The following NPAS3 variants were observed in gnomAD, a reference collection of about 807,000 sequenced individuals.
The protein encoded by NPAS3 is neuronal PAS domain protein 3.
A neutral mutation model predicts 73.1 loss-of-function variants in NPAS3; 14 were observed. The observed-to-expected ratio is 0.19, with a 90% CI of 0.13 to 0.30. The LOEUF is 0.30. Ranked by LOEUF, NPAS3 falls within the 10% of genes least tolerant of loss-of-function variation. The pLI is 1.00. For synonymous variants in NPAS3, 620 were observed against 541.5 expected, an observed-to-expected ratio of 1.14 and a Z score of -2.01; for missense variants, 1,096 against 1,250.0, an observed-to-expected ratio of 0.88 and a Z score of 1.86.
chr14:33,163,948 T>C (rs1202318440), intron 2 of NPAS3, among the ~76,000 whole-genome samples: 1 of 152,224 alleles, frequency 6.6e-6, no homozygotes, highest in Non-Finnish European at 1.5e-5. Context: ...ACTTTAAATT[T>C]CTCTGATTGA....
chr14:33,221,589 T>G (rs1424365421), intron 3 of NPAS3, among the ~76,000 whole-genome samples: 1 of 152,118 alleles, frequency 6.6e-6, no homozygotes, highest in Non-Finnish European at 1.5e-5. Context: ...ATTGCACCAC[T>G]GCCTAGAGGG....
At chr14:33,012,146 A>C (rs2039226482) in intron 1 of NPAS3, among the ~76,000 whole-genome samples, 1 of 152,100 alleles carries the variant, frequency 6.6e-6, no homozygotes, top group African/African-American at 2.4e-5. Context: ...GCACAGAACA[A>C]TTAAAAACAG....
At chr14:33,650,649 C>G (rs2058965059) in intron 5 of NPAS3, among the ~76,000 whole-genome samples, 2 of 152,222 alleles carry the variant, frequency 1.3e-5, no homozygotes, top group Non-Finnish European at 2.9e-5. Context: ...TGCACTTAGG[C>G]TGCAGAATAA....
chr14:32,949,778 A>G (rs1031372749), intron 1 of NPAS3, among the ~76,000 whole-genome samples: 1 of 151,988 alleles, frequency 6.6e-6, no homozygotes, highest in Non-Finnish European at 1.5e-5. Flanking sequence ...CCTATGCTTT[A>G]TATGAACTCT....
chr14:33,684,017 C>T lies in NPAS3; in HGVS notation c.733+7632C>T, dbSNP rs1470832251. The stretch of plus-strand genomic sequence containing the variant: ...GATGGAAATTCTAAGTGGCTCACCC[C>T]AAGCTTCACAGGTTAGTTTTGTGGC... On this transcript the variant is annotated intron_variant, in intron 6 of 11. Coordinates refer to ENST00000356141, the Ensembl canonical transcript of NPAS3. 6.6e-5 allele frequency among the ~76,000 whole-genome samples: 10 copies of T among 152,206 alleles called. No homozygotes were observed. In the South Asian group the frequency reaches 8.3e-4, roughly 13 times the overall value.
At chr14:33,541,096 G>GGTGTGTGTGT (rs140503260) in intron 4 of NPAS3, among the ~76,000 whole-genome samples, 192 of 142,846 alleles carry the variant, frequency 1.3e-3, no homozygotes, top group South Asian at 6.5e-3. Flanking sequence ...TATGTTTAGA[G>GGTGTGTGTGT]GTGTGTGTGT....
rs1161514148 is a variant in NPAS3 at position 33,573,775 on chromosome 14, A to G, written c.558+13565A>G. 2.6e-5 allele frequency among the ~76,000 whole-genome samples: 4 copies of G among 152,248 alleles called. No individual in the cohort carries two copies. The East Asian group carries it at 7.7e-4, about 29-fold the overall frequency. On this transcript the variant is annotated intron_variant, in intron 5 of 11. Coordinates refer to ENST00000356141, the Ensembl canonical transcript of NPAS3. The stretch of plus-strand genomic sequence containing the variant: ...GCAATATTAGATTTGTGCTTTAGGG[A>G]AAAAAATTAATTTTGGCTAAAAAGA...
chr14:33,529,087 G>C (rs2053928391), intron 4 of NPAS3, among the ~76,000 whole-genome samples: 1 of 152,090 alleles, frequency 6.6e-6, no homozygotes, highest in African/African-American at 2.4e-5. Context: ...ACTAATGCTT[G>C]GGGTAAATGT....
At chr14:33,097,219 A>T (rs2042448544) in intron 2 of NPAS3, among the ~76,000 whole-genome samples, 1 of 151,276 alleles carries the variant, frequency 6.6e-6, no homozygotes, top group African/African-American at 2.5e-5. Context: ...CTCTGCAAAA[A>T]AATTGGTAAA....
intron 5 of NPAS3, among the ~76,000 whole-genome samples, chr14:33,640,637 C>T (rs1198368376): frequency 6.6e-6 from 1 of 152,166 alleles, no homozygotes; most frequent in Non-Finnish European, 1.5e-5. Flanking sequence ...AACATTCATT[C>T]ATTTGTCCAA....
Position 33,703,542 on chromosome 14 carries a change from T to G in NPAS3, c.733+27157T>G, listed in dbSNP as rs150841562. On this transcript the variant is annotated intron_variant, in intron 6 of 11. Transcript: ENST00000356141. ...ATTTATTCATTTATTCTCATAAGTCTTAATTTTTCCAGGATCAGGGGACTT... is the reference window on the plus strand; with the variant it reads ...ATTTATTCATTTATTCTCATAAGTCGTAATTTTTCCAGGATCAGGGGACTT... Among the ~76,000 whole-genome samples the G allele has an allele frequency of 1.2e-3, 179 of 152,092 alleles. 1 individual carries two copies. Among genetic ancestry groups the G allele is most frequent in the African/African-American group, 4.0e-3 (166 of 41,516 alleles).
chr14:33,564,538 C>T (rs950565383), intron 5 of NPAS3, among the ~76,000 whole-genome samples: 11 of 152,200 alleles, frequency 7.2e-5, no homozygotes, highest in East Asian at 3.9e-4. Flanking sequence ...GTTCTGTTCC[C>T]GCATCCAGGC....
chr14:33,324,755 C>T (rs1406692602), intron 3 of NPAS3, among the ~76,000 whole-genome samples: 1 of 152,070 alleles, frequency 6.6e-6, no homozygotes, highest in Non-Finnish European at 1.5e-5. Flanking sequence ...TGATGCTTCC[C>T]AGAATTTTGA....
At chr14:33,359,549 G>A (rs1411375125) in intron 3 of NPAS3, among the ~76,000 whole-genome samples, 1 of 152,192 alleles carries the variant, frequency 6.6e-6, no homozygotes, top group Non-Finnish European at 1.5e-5. Flanking sequence ...GGTGACAACA[G>A]TAAAGCGGCA....
At chr14:33,602,066 G>A (rs762734158) in intron 5 of NPAS3, among the ~76,000 whole-genome samples, 8 of 152,200 alleles carry the variant, frequency 5.3e-5, no homozygotes, top group Non-Finnish European at 1.0e-4. Context: ...CCCCTGAGTT[G>A]AGAAAACAGA....
At chr14:33,123,633 C>T (rs1194822186) in intron 2 of NPAS3, among the ~76,000 whole-genome samples, 7 of 151,884 alleles carry the variant, frequency 4.6e-5, no homozygotes, top group East Asian at 1.9e-4. Flanking sequence ...TATGTAATTT[C>T]CTGATAATAT....
chr14:33,182,045 G>C (rs1271669554), intron 2 of NPAS3, among the ~76,000 whole-genome samples: 1 of 152,072 alleles, frequency 6.6e-6, no homozygotes, highest in Admixed American at 6.5e-5. Context: ...TTTAATGACA[G>C]GATCTTTCTT....
At chr14:33,424,820 A>G (rs929897227) in intron 4 of NPAS3, among the ~76,000 whole-genome samples, 15 of 151,876 alleles carry the variant, frequency 9.9e-5, no homozygotes, top group African/African-American at 3.6e-4. Flanking sequence ...TCATTTGGAC[A>G]TAGAGGCCTG....
chr14:33,334,598 A>C (rs2044131881), intron 3 of NPAS3, among the ~76,000 whole-genome samples: 1 of 152,212 alleles, frequency 6.6e-6, no homozygotes, highest in Non-Finnish European at 1.5e-5. Flanking sequence ...CAGGTTCCCC[A>C]GGGACATCTT....
Sources: allele counts gnomAD v4.1 joint callset (sites outside exome capture counted in the v4.1 genomes callset), GRCh38; gene constraint gnomAD v4.1.1; transcripts MANE v1.5; gene names NCBI Gene and HGNC (gene_info 2026-07-23, HGNC 2026-07-21).